The following AASS variants were observed in gnomAD, a reference collection of about 807,000 sequenced individuals.
AASS encodes alpha-aminoadipic semialdehyde synthase, mitochondrial.
Under a neutral mutation model 105.4 loss-of-function variants are expected in AASS, and 86 were observed. That is an observed-to-expected ratio of 0.82 (90% CI 0.69 to 0.98). The LOEUF (loss-of-function observed/expected upper bound fraction) is 0.98, where lower values mean the gene tolerates loss of function less well. AASS is among the 50% of genes least tolerant of loss of function. AASS has a pLI of 0.00. For missense variants in AASS, 1,048 were observed against 1,143.2 expected (o/e 0.92, Z 1.20); for synonymous variants, 381 against 394.8 (o/e 0.96, Z 0.41).
intron 18 of AASS, among the ~76,000 whole-genome samples, chr7:122,090,375 A>G (rs1358472181): frequency 1.3e-5 from 2 of 152,094 alleles, no homozygotes; most frequent in African/African-American, 4.8e-5. Context: ...GGCAAATCAG[A>G]ATCTTTGGGG....
intron 4 of AASS, among the ~76,000 whole-genome samples, chr7:122,124,538 C>A (rs1370381475): frequency 1.3e-5 from 2 of 152,224 alleles, no homozygotes; most frequent in African/African-American, 4.8e-5. Context: ...CCTCTTCGGC[C>A]TCCCGAAGTG....
chr7:122,107,800 A>T (rs1459960212), intron 11 of AASS, among the ~76,000 whole-genome samples: 1 of 151,954 alleles, frequency 6.6e-6, no homozygotes, highest in Non-Finnish European at 1.5e-5. Context: ...TAGGCTTAAT[A>T]CCCTGGTGAT....
At chr7:122,123,092 G>A (rs1266718571) in intron 4 of AASS, among the ~76,000 whole-genome samples, 1 of 152,176 alleles carries the variant, frequency 6.6e-6, no homozygotes, top group Non-Finnish European at 1.5e-5. Flanking sequence ...TTTCCATAGA[G>A]TTCCCTGGCA....
intron 5 of AASS, 43 bp from the exon 6 acceptor site, chr7:122,118,496 G>A: frequency 1.9e-6 from 3 of 1,614,046 alleles, no homozygotes; most frequent in Admixed American, 1.7e-5. Flanking sequence ...CACCAGCTCA[G>A]CATTTTTTTT....
intron 11 of AASS, among the ~76,000 whole-genome samples, chr7:122,106,823 A>G (rs1794688233): frequency 6.6e-6 from 1 of 152,156 alleles, no homozygotes; most frequent in African/African-American, 2.4e-5. Context: ...AAGATGATCT[A>G]GGCAAAACCA....
intron 15 of AASS, among the ~76,000 whole-genome samples, chr7:122,096,445 T>G (rs897660712): frequency 6.6e-6 from 1 of 151,980 alleles, no homozygotes; most frequent in Admixed American, 6.6e-5. Flanking sequence ...CTGAGCAACA[T>G]GGTGATATCC....
chr7:122,118,978 G>A (rs975998591), intron 4 of AASS, among the ~76,000 whole-genome samples: 5 of 151,928 alleles, frequency 3.3e-5, no homozygotes, highest in Non-Finnish European at 5.9e-5. Flanking sequence ...CTTCCCTATT[G>A]CTTCATTCTT....
intron 11 of AASS, among the ~76,000 whole-genome samples, chr7:122,108,787 T>C (rs938738239): frequency 1.3e-5 from 2 of 151,678 alleles, no homozygotes; most frequent in African/African-American, 2.4e-5. Flanking sequence ...CTATTCAACA[T>C]AGTACTGGAT....
chr7:122,085,172 G>A (rs1278284515), intron 19 of AASS, among the ~76,000 whole-genome samples: 1 of 152,150 alleles, frequency 6.6e-6, no homozygotes, highest in Non-Finnish European at 1.5e-5. Flanking sequence ...GGATGGATGT[G>A]TCTCAAAGTC....
chr7:122,128,670 C>T (rs1795766136), intron 3 of AASS, among the ~76,000 whole-genome samples: 2 of 152,212 alleles, frequency 1.3e-5, no homozygotes, highest in South Asian at 4.1e-4. Flanking sequence ...GACACAGCAT[C>T]AGCACTGAAT....
At chr7:122,104,361 C>A (rs1283974035) in intron 11 of AASS, among the ~76,000 whole-genome samples, 3 of 152,036 alleles carry the variant, frequency 2.0e-5, no homozygotes, top group Non-Finnish European at 4.4e-5. Context: ...TTTGAGAGGC[C>A]AAGGTGAGCA....
At chr7:122,140,901 A>G (rs1232105885) in intron 1 of AASS, among the ~76,000 whole-genome samples, 3 of 151,962 alleles carry the variant, frequency 2.0e-5, no homozygotes, top group Admixed American at 2.0e-4. Flanking sequence ...AAATACAAGT[A>G]TATATTAAAA....
rs116190157 is a variant in AASS, at chr7:122,116,195, G to A, written c.894+438C>T. On this transcript the variant is annotated intron_variant, in intron 8 of 23. Transcript: ENST00000417368. ...GGATGGTCTGCACTTATATAGGAAC[G>A]CTATTTAACCCTCACCCTGATAATC... Among the ~76,000 whole-genome samples the A allele has an allele frequency of 1.3e-3, 199 of 152,196 alleles. 1 individual carries two copies. Among genetic ancestry groups the A allele is most frequent in the African/African-American group, 4.7e-3 (195 of 41,538 alleles).
At chr7:122,117,339 G>A (rs1276821314) in intron 6 of AASS, among the ~76,000 whole-genome samples, 2 of 152,074 alleles carry the variant, frequency 1.3e-5, no homozygotes, top group Non-Finnish European at 2.9e-5. Flanking sequence ...AATATAATAA[G>A]AATGATATCC....
chr7:122,133,624 C>A lies in AASS; in HGVS notation c.103G>T (p.Ala35Ser), dbSNP rs758036438. 6.2e-6 allele frequency: 10 copies of A among 1,614,198 alleles called. No individual in the cohort carries two copies. The highest frequency in any genetic ancestry group is 2.2e-5 in the East Asian group (1 of 44,872). ...VLAVRREDVN[A>S]WERRAPLAPK... The stretch of plus-strand genomic sequence containing the variant: ...GCTAGCGGGGCCCTTCTCTCCCAGG[C>A]GTTCACATCCTCCCTCCGGACGGCC... The change falls in exon 2 of 24, where the codon GCC (alanine) becomes TCC (serine). Residue 35 changes from alanine to serine, a missense_variant. Ala to Ser is a moderately conservative substitution (Grantham distance 99). Coordinates refer to ENST00000417368, the MANE Select transcript of AASS (RefSeq NM_005763.4).
At chr7:122,083,600 A>G (rs1266341968) in intron 19 of AASS, among the ~76,000 whole-genome samples, 1 of 152,116 alleles carries the variant, frequency 6.6e-6, no homozygotes, top group East Asian at 1.9e-4. Flanking sequence ...GCAAAAATGC[A>G]TCACCACTGA....
At chr7:122,139,047 G>T (rs1237916720) in intron 1 of AASS, among the ~76,000 whole-genome samples, 1 of 152,112 alleles carries the variant, frequency 6.6e-6, no homozygotes, top group East Asian at 1.9e-4. Context: ...GGTTAGAAAG[G>T]TCCTTTCAGA....
At chr7:122,081,403 T>A in intron 20 of AASS, 97 bp downstream of exon 20, 2 of 942,782 alleles carry the variant, frequency 2.1e-6, no homozygotes, top group Non-Finnish European at 3.5e-6. Flanking sequence ...AGCTAAAAAA[T>A]AGGATCTTTT....
At chr7:122,115,957 G>A (rs13236890) in intron 8 of AASS, among the ~76,000 whole-genome samples, 271 of 152,194 alleles carry the variant, frequency 1.8e-3, no homozygotes, top group Non-Finnish European at 2.6e-3. Context: ...TGTTATGTTG[G>A]TCAAACATAT....
Sources: gnomAD v4.1 joint callset for allele counts (sites outside exome capture counted in the v4.1 genomes callset) on GRCh38, gnomAD v4.1.1 for gene constraint, MANE v1.5 for transcripts, NCBI Gene and HGNC (gene_info 2026-07-23, HGNC 2026-07-21) for gene names.